Variants in EEA1 observed in about 807,000 individuals in gnomAD.
The protein encoded by EEA1 is early endosome antigen 1.
EEA1 carries 111 observed loss-of-function variants against 209.2 expected under a neutral mutation model. The ratio of observed to expected loss-of-function variants is 0.53; its 90% CI spans 0.45 to 0.62. EEA1 has a LOEUF of 0.62. Ranked by LOEUF, EEA1 falls within the 20% of genes least tolerant of loss-of-function variation. The pLI, the probability that EEA1 is intolerant of heterozygous loss-of-function variation, is 0.00. For missense variants in EEA1, 1,343 were observed against 1,530.8 expected, an observed-to-expected ratio of 0.88 and a Z score of 2.05; for synonymous variants, 536 against 540.6, an observed-to-expected ratio of 0.99 and a Z score of 0.12.
chr12:92,890,419 A>G (rs1029050016), intron 2 of EEA1, among the ~76,000 whole-genome samples: 3 of 152,178 alleles, frequency 2.0e-5, no homozygotes, highest in African/African-American at 7.2e-5. Context: ...CATTTATCTA[A>G]TGGTTCCTAT....
intron 18 of EEA1, among the ~76,000 whole-genome samples, chr12:92,806,941 A>AT (rs1875238080): frequency 1.5e-5 from 2 of 137,334 alleles, no homozygotes; most frequent in Non-Finnish European, 3.3e-5. Context: ...CTTTTTTAAT[A>AT]ATTTTTTTTT....
intron 2 of EEA1, among the ~76,000 whole-genome samples, chr12:92,868,489 T>G (rs555941950): frequency 6.6e-6 from 1 of 152,336 alleles, no homozygotes; most frequent in South Asian, 2.1e-4. Flanking sequence ...TTTTTGACTA[T>G]TGGCTCCACT....
chr12:92,849,254 G>T (rs982308001), intron 9 of EEA1, among the ~76,000 whole-genome samples: 6 of 151,970 alleles, frequency 3.9e-5, no homozygotes. Flanking sequence ...AATCAAAAGG[G>T]AGTGTATTTT....
Position 92,851,195 on chromosome 12 carries a change from A to T in EEA1, c.714T>A (p.Asp238Glu), listed in dbSNP as rs759304460. Residue 238 changes from aspartate (D) to glutamate (E), a missense_variant, in exon 9 of 29, where the codon GAT (aspartate) becomes GAA (glutamate). Transcript: ENST00000322349. Reference protein sequence around the residue: ...KELVQVQTLMDNMTLERERES... With the variant: ...KELVQVQTLMENMTLERERES... Reference sequence around the variant, plus strand: ...CTCGCTCACGTTCCAAGGTCATGTTATCCATTAGTGTTTGAACTTGGACCA... The same window carrying T: ...CTCGCTCACGTTCCAAGGTCATGTTTTCCATTAGTGTTTGAACTTGGACCA... 5 of 1,613,854 alleles carry T rather than the reference A, an allele frequency of 3.1e-6. No individual in the cohort carries two copies. Among genetic ancestry groups the T allele is most frequent in the Non-Finnish European group, 4.2e-6 (5 of 1,179,934 alleles).
chr12:92,806,942 A>ATTTTTTTTTTTTTTTTTT (rs34717047), intron 18 of EEA1, among the ~76,000 whole-genome samples: 59 of 147,458 alleles, frequency 4.0e-4, no homozygotes, highest in African/African-American at 1.4e-3. Flanking sequence ...TTTTTTAATA[A>ATTTTTTTTTTTTTTTTTT]TTTTTTTTTT....
At chr12:92,857,570 A>G (rs1877936565) in intron 3 of EEA1, 85 bp from the exon 4 acceptor site, 2 of 773,476 alleles carry the variant, frequency 2.6e-6, no homozygotes, top group Non-Finnish European at 4.0e-6. Context: ...TAGTAATTGT[A>G]TATTAATATT....
At chr12:92,828,367 TAAA>T (rs1274580421) in intron 11 of EEA1, among the ~76,000 whole-genome samples, 2 of 152,020 alleles carry the variant, frequency 1.3e-5, no homozygotes, top group Non-Finnish European at 2.9e-5. Flanking sequence ...TTCAGGAACT[TAAA>T]AGAATAAAAT....
intron 2 of EEA1, among the ~76,000 whole-genome samples, chr12:92,880,691 G>A (rs1159043951): frequency 6.6e-6 from 1 of 152,062 alleles, no homozygotes; most frequent in African/African-American, 2.4e-5. Flanking sequence ...TAGCCAGGAT[G>A]GTCTCGATCT....
chr12:92,900,187 A>G (rs1037444326), intron 1 of EEA1, among the ~76,000 whole-genome samples: 3 of 152,332 alleles, frequency 2.0e-5, no homozygotes, highest in Middle Eastern at 6.8e-3. Context: ...ACTGTTTCCA[A>G]TGACGTATCC....
At chr12:92,786,664 G>A (rs1023006578) in intron 22 of EEA1, among the ~76,000 whole-genome samples, 3 of 152,050 alleles carry the variant, frequency 2.0e-5, no homozygotes, top group Non-Finnish European at 4.4e-5. Flanking sequence ...TATGGAGAAA[G>A]GAAGTTAGTA....
chr12:92,832,977 TGAC>T (rs1876731418), intron 10 of EEA1, 127 bp from the exon 11 acceptor site: 1 of 672,054 alleles, frequency 1.5e-6, no homozygotes, highest in African/African-American at 1.8e-5. Context: ...TATAAAACAG[TGAC>T]AATGTTCTAG....
intron 21 of EEA1, among the ~76,000 whole-genome samples, chr12:92,791,880 A>T (rs1167232368): frequency 6.6e-6 from 1 of 152,134 alleles, no homozygotes; most frequent in African/African-American, 2.4e-5. Context: ...GAAGTAAAGC[A>T]CTCCTCAGCA....
chr12:92,838,175 T>C (rs1877011265), intron 10 of EEA1, among the ~76,000 whole-genome samples: 1 of 152,250 alleles, frequency 6.6e-6, no homozygotes, highest in African/African-American at 2.4e-5. Context: ...TGATTCTATG[T>C]ATTAATCATA....
chr12:92,812,970 GT>G lies in EEA1; in HGVS notation c.2043+9del. On this transcript the variant is annotated intron_variant, in intron 16 of 28. Coordinates refer to ENST00000322349, the MANE Select transcript of EEA1 (RefSeq NM_003566.4). ...TAGGTGATAGTATGAAATTGCATCT[GT>G]TTCCCTACCTGCTGTTTATCTTGTA... The G allele has an allele frequency of 6.5e-7, 1 of 1,548,322 alleles. No homozygotes were observed. Among genetic ancestry groups the G allele is most frequent in the Non-Finnish European group, 8.8e-7 (1 of 1,135,096 alleles).
intron 1 of EEA1, among the ~76,000 whole-genome samples, chr12:92,912,756 C>G (rs935739725): frequency 6.6e-6 from 1 of 152,140 alleles, no homozygotes; most frequent in African/African-American, 2.4e-5. Flanking sequence ...CTATCTGTAT[C>G]CATTGTCTAG....
At chr12:92,859,432 T>G (rs1372580460) in intron 3 of EEA1, among the ~76,000 whole-genome samples, 1 of 152,226 alleles carries the variant, frequency 6.6e-6, no homozygotes, top group Non-Finnish European at 1.5e-5. Flanking sequence ...TTAGCTTTTG[T>G]GGGTAAGTTG....
rs1173233719 is a variant in EEA1, at chr12:92,772,444, C to G, written c.*3567G>C. On this transcript the variant is annotated 3_prime_UTR_variant, in exon 29 of 29. Transcript: ENST00000322349. Reference sequence around the variant, plus strand: ...CTAATATTCTGTAAATAAATTAATGCAAAATGGTTAATACAGTGTTCTCTC... The same window carrying G: ...CTAATATTCTGTAAATAAATTAATGGAAAATGGTTAATACAGTGTTCTCTC... 1 of 151,612 alleles carries G rather than the reference C, an allele frequency of 6.6e-6. No homozygotes were observed. The highest frequency in any genetic ancestry group is 1.5e-5 in the Non-Finnish European group (1 of 67,736). 9.4% of individuals were successfully genotyped at this position (151,612 alleles called of 1,614,324 possible).
chr12:92,915,261 G>A (rs1278657598), intron 1 of EEA1, among the ~76,000 whole-genome samples: 2 of 152,100 alleles, frequency 1.3e-5, no homozygotes, highest in Non-Finnish European at 2.9e-5. Flanking sequence ...GAGCCAAGGA[G>A]TTCAAGACTA....
At chr12:92,883,676 T>C in intron 2 of EEA1, 1 of 679,378 alleles carries the variant, frequency 1.5e-6, no homozygotes, top group Non-Finnish European at 2.6e-6. Context: ...TCTTACTTTA[T>C]CGTAAGAATA....
Sources: gnomAD v4.1 joint callset for allele counts (sites outside exome capture counted in the v4.1 genomes callset) on GRCh38, gnomAD v4.1.1 for gene constraint, MANE v1.5 for transcripts, NCBI Gene and HGNC (gene_info 2026-07-23, HGNC 2026-07-21) for gene names.